BLK: variants seen among roughly 807,000 people sequenced by gnomAD.
BLK encodes the protein tyrosine-protein kinase Blk.
Under a neutral mutation model 61.8 loss-of-function variants are expected in BLK, and 64 were observed. The ratio of observed to expected loss-of-function variants is 1.03; its 90% confidence interval spans 0.85 to 1.27. The LOEUF (loss-of-function observed/expected upper bound fraction) is 1.27, where lower values mean the gene tolerates loss of function less well. Among genes scored for constraint, BLK ranks in the 50% most tolerant of loss-of-function variants. The pLI is 0.00. For missense variants in BLK, 853 were observed against 660.5 expected (o/e 1.29, Z -3.19); for synonymous variants, 351 against 272.0 (o/e 1.29, Z -2.86).
intron 1 of BLK, chr8:11,509,169 T>A (rs750709371): frequency 6.6e-6 from 1 of 151,776 alleles, no homozygotes; most frequent in Non-Finnish European, 1.5e-5. Flanking sequence ...CACGAAAAGT[T>A]GGCAATCCTC....
At position 11,563,095 on chromosome 8, in the gene BLK, C is replaced by G; in HGVS notation, c.1297C>G (p.Arg433Gly). The G allele has an allele frequency of 6.2e-7, 1 of 1,613,934 alleles. No individual in the cohort carries two copies. Among genetic ancestry groups the G allele is most frequent in the Non-Finnish European group, 8.5e-7 (1 of 1,180,016 alleles). The part of the protein sequence containing the change: ...VLLMEVVTYG[R>G]VPYPGMSNPE... Reference sequence around the variant, plus strand: ...CCTGATGGAAGTTGTCACTTATGGGCGGGTGCCATACCCAGGTAGGTGGCT... The same window carrying G: ...CCTGATGGAAGTTGTCACTTATGGGGGGGTGCCATACCCAGGTAGGTGGCT... The change falls in exon 12 of 13, where the codon CGG becomes GGG. Residue 433 changes from arginine (R) to glycine (G), a missense_variant. Transcript: ENST00000259089.
intron 1 of BLK, among the ~76,000 whole-genome samples, chr8:11,514,976 A>G (rs766790389): frequency 1.3e-5 from 2 of 152,088 alleles, no homozygotes; most frequent in African/African-American, 2.4e-5. Flanking sequence ...GGGTTGAGGC[A>G]CGCACATGAC....
intron 8 of BLK, chr8:11,555,981 G>C (rs1370398353): frequency 2.1e-5 from 6 of 288,954 alleles, no homozygotes; most frequent in East Asian, 8.7e-5. Context: ...CGCCCACCAG[G>C]ATATAAAACT....
At chr8:11,533,642 G>A (rs1799992570) in intron 1 of BLK, among the ~76,000 whole-genome samples, 1 of 149,996 alleles carries the variant, frequency 6.7e-6, no homozygotes, top group African/African-American at 2.5e-5. Context: ...GGGAAGGGGA[G>A]GTGGAGGAGA....
At chr8:11,535,296 G>GAAAGAAAGAAAGAAAA (rs1800079751) in intron 1 of BLK, among the ~76,000 whole-genome samples, 3 of 143,470 alleles carry the variant, frequency 2.1e-5, no homozygotes, top group African/African-American at 7.6e-5. Flanking sequence ...AAGAAAGAAA[G>GAAAGAAAGAAAGAAAA]AAAGAAAGAA....
rs546389897 is a variant in BLK, at chr8:11,549,830, C to T, written c.369-329C>T. On this transcript the variant is annotated intron_variant, in intron 5 of 12. Coordinates refer to ENST00000259089, the MANE Select transcript of BLK (RefSeq NM_001715.3). Reference sequence around the variant, plus strand: ...CAGATCTCAGACTGCAAGGAGGAGGCACGTGCCTGTGATACGCAGCTGTGC... The same window carrying T: ...CAGATCTCAGACTGCAAGGAGGAGGTACGTGCCTGTGATACGCAGCTGTGC... 2.6e-5 allele frequency among the ~76,000 whole-genome samples: 4 copies of T among 152,364 alleles called. No individual in the cohort carries two copies. The South Asian group carries it at 8.3e-4, about 32-fold the overall frequency.
chr8:11,546,237 C>T (rs957762616), intron 3 of BLK, 134 bp downstream of exon 3: 3 of 1,092,756 alleles, frequency 2.7e-6, no homozygotes, highest in African/African-American at 1.5e-5. Flanking sequence ...CTGAGAGAGG[C>T]CCCGGCTCTG....
In BLK at chr8:11,563,087, C is replaced by A; in HGVS notation, c.1289C>A (p.Thr430Asn). The A allele has an allele frequency of 6.2e-7, 1 of 1,613,868 alleles. No homozygotes were observed. The highest frequency in any genetic ancestry group is 8.5e-7 in the Non-Finnish European group (1 of 1,180,036). The change falls in exon 12 of 13, where the codon ACT (threonine) becomes AAT (asparagine). Residue 430 changes from threonine (T) to asparagine (N), a missense_variant. Physicochemically the swap from Thr to Asn is moderately conservative, Grantham distance 65. Coordinates refer to ENST00000259089, the MANE Select transcript of BLK (RefSeq NM_001715.3). The part of the protein sequence containing the change: ...SFGVLLMEVV[T>N]YGRVPYPGMS... ...GGAGTCCTCCTGATGGAAGTTGTCA[C>A]TTATGGGCGGGTGCCATACCCAGGT...
rs117993172 is a variant in BLK at position 11,512,013 on chromosome 8, A to G, written c.-2+17422A>G. ...TTAATTTATTCGTTCAAAGAAGAGA[A>G]AGATTTACTGCATGTCTACAATGTA... On this transcript the variant is annotated intron_variant, in intron 1 of 12. Coordinates refer to ENST00000259089, the MANE Select transcript of BLK (RefSeq NM_001715.3). Among the ~76,000 whole-genome samples the G allele has an allele frequency of 3.2e-3, 486 of 152,350 alleles. 1 individual carries two copies. The highest frequency in any genetic ancestry group is 5.1e-3 in the Non-Finnish European group (346 of 68,036).
At chr8:11,550,125 G>C (rs753053621) in intron 5 of BLK, 34 bp from the exon 6 acceptor site, 2 of 1,576,876 alleles carry the variant, frequency 1.3e-6, no homozygotes, top group South Asian at 1.1e-5. Flanking sequence ...GAGCAGGGTC[G>C]CTCTGAGTTT....
intron 1 of BLK, among the ~76,000 whole-genome samples, chr8:11,508,611 C>T (rs926253303): frequency 3.3e-5 from 5 of 152,258 alleles, no homozygotes; most frequent in African/African-American, 4.8e-5. Context: ...AGTCCTCTCC[C>T]GCATTCCCTC....
chr8:11,559,327 TCACACA>T (rs35419225), intron 10 of BLK, among the ~76,000 whole-genome samples: 2 of 150,662 alleles, frequency 1.3e-5, no homozygotes, highest in Non-Finnish European at 3.0e-5. Context: ...AAACACAGAC[TCACACA>T]CACACGGACA....
intron 1 of BLK, among the ~76,000 whole-genome samples, chr8:11,524,563 T>G (rs963374014): frequency 1.3e-5 from 2 of 152,190 alleles, no homozygotes; most frequent in African/African-American, 4.8e-5. Flanking sequence ...TTTGCCAAAA[T>G]ATATCGGAAG....
intron 1 of BLK, among the ~76,000 whole-genome samples, chr8:11,527,210 C>T (rs890494586): frequency 6.6e-6 from 1 of 152,172 alleles, no homozygotes; most frequent in Non-Finnish European, 1.5e-5. Context: ...ACTCCATACC[C>T]TTCAATGGCT....
intron 1 of BLK, among the ~76,000 whole-genome samples, chr8:11,506,222 T>C (rs1798765039): frequency 6.6e-6 from 1 of 152,226 alleles, no homozygotes; most frequent in Admixed American, 6.5e-5. Flanking sequence ...TGACCTTGAA[T>C]GTGCTTGAAG....
At chr8:11,563,181 T>A in intron 12 of BLK, 71 bp downstream of exon 12, 1 of 1,604,958 alleles carries the variant, frequency 6.2e-7, no homozygotes, top group Non-Finnish European at 8.5e-7. Flanking sequence ...TCGCCTGTGC[T>A]TGGTGCCTGT....
intron 1 of BLK, among the ~76,000 whole-genome samples, chr8:11,503,771 T>A (rs1197490680): frequency 6.6e-6 from 1 of 152,196 alleles, no homozygotes; most frequent in Admixed American, 6.5e-5. Flanking sequence ...CTTTCTTGCC[T>A]GGGCCTCACC....
chr8:11,512,949 G>C (rs1799075060), intron 1 of BLK, among the ~76,000 whole-genome samples: 2 of 152,338 alleles, frequency 1.3e-5, no homozygotes, highest in Middle Eastern at 3.4e-3. Context: ...TTACAGGCGT[G>C]AGCCACCGCG....
chr8:11,555,587 A>C, intron 8 of BLK, 103 bp downstream of exon 8: 1 of 1,544,940 alleles, frequency 6.5e-7, no homozygotes, highest in Non-Finnish European at 8.8e-7. Context: ...CTCCCCCAGA[A>C]GTCTTGAGAG....
Sources: allele counts gnomAD v4.1 joint callset (sites outside exome capture counted in the v4.1 genomes callset), GRCh38; gene constraint gnomAD v4.1.1; transcripts MANE v1.5; gene names NCBI Gene and HGNC (gene_info 2026-07-23, HGNC 2026-07-21).